The following MAGI2 variants were observed in gnomAD, a reference collection of about 807,000 sequenced individuals.
MAGI2 encodes membrane-associated guanylate kinase, WW and PDZ domain-containing protein 2.
MAGI2 carries 35 observed loss-of-function variants against 133.3 expected under a neutral mutation model. That is an observed-to-expected ratio of 0.26 (90% CI 0.20 to 0.35). The LOEUF (loss-of-function observed/expected upper bound fraction) is 0.35, where lower values mean the gene tolerates loss of function less well. Among genes scored for constraint, MAGI2 ranks in the 10% least tolerant of loss-of-function variants. MAGI2 has a pLI of 1.00. For missense variants in MAGI2, 1,636 were observed against 1,863.4 expected (o/e 0.88, Z 2.25); for synonymous variants, 729 against 710.6 (o/e 1.03, Z -0.41).
At chr7:79,195,569 C>T (rs890055640) in intron 1 of MAGI2, among the ~76,000 whole-genome samples, 7 of 151,930 alleles carry the variant, frequency 4.6e-5, no homozygotes, top group Admixed American at 4.6e-4. Flanking sequence ...ACTCAAACTT[C>T]AATGAAACCA....
intron 6 of MAGI2, among the ~76,000 whole-genome samples, chr7:78,461,804 A>G (rs1584247942): frequency 6.6e-6 from 1 of 151,364 alleles, no homozygotes; most frequent in South Asian, 2.1e-4. Flanking sequence ...CCAGCTACTC[A>G]GGAGGCTGAG....
intron 3 of MAGI2, among the ~76,000 whole-genome samples, chr7:78,600,501 A>G (rs551063739): frequency 2.0e-5 from 3 of 152,160 alleles, no homozygotes; most frequent in African/African-American, 4.8e-5. Context: ...AAATTATCCT[A>G]TGTGTTTGTG....
At chr7:78,283,712 G>A (rs988576174) in intron 9 of MAGI2, among the ~76,000 whole-genome samples, 1 of 152,038 alleles carries the variant, frequency 6.6e-6, no homozygotes, top group Non-Finnish European at 1.5e-5. Flanking sequence ...TCAGGTAACT[G>A]ATAAAGTAAT....
At chr7:79,309,212 G>A (rs543428900) in intron 1 of MAGI2, among the ~76,000 whole-genome samples, 2 of 151,948 alleles carry the variant, frequency 1.3e-5, no homozygotes, top group South Asian at 4.1e-4. Context: ...CAATATGTGT[G>A]ATATAAACTC....
intron 9 of MAGI2, among the ~76,000 whole-genome samples, chr7:78,336,338 C>T (rs190491772): frequency 1.3e-5 from 2 of 152,254 alleles, no homozygotes; most frequent in Admixed American, 6.5e-5. Context: ...ATCTTGTGCC[C>T]TTACTTTCAG....
intron 21 of MAGI2, among the ~76,000 whole-genome samples, chr7:78,030,780 C>T (rs531279658): frequency 2.6e-5 from 4 of 152,060 alleles, no homozygotes; most frequent in East Asian, 1.9e-4. Flanking sequence ...CAATGTTGTC[C>T]GGAATAAATG....
At chr7:78,379,915 A>G (rs1794767855) in intron 6 of MAGI2, among the ~76,000 whole-genome samples, 1 of 152,066 alleles carries the variant, frequency 6.6e-6, no homozygotes, top group South Asian at 2.1e-4. Context: ...TTCATCTAGA[A>G]ATTAAGAATT....
chr7:79,413,234 A>G (rs1846260882), intron 1 of MAGI2: 1 of 152,124 alleles, frequency 6.6e-6, no homozygotes, highest in South Asian at 2.1e-4. Context: ...TGATCTTATG[A>G]GGCCAATAAT....
intron 2 of MAGI2, among the ~76,000 whole-genome samples, chr7:78,661,674 A>G (rs1359160404): frequency 6.6e-6 from 1 of 152,140 alleles, no homozygotes; most frequent in Non-Finnish European, 1.5e-5. Context: ...CTGGCCTCAG[A>G]ACTCTTCCTA....
At chr7:78,481,863 T>C (rs1032895793) in intron 6 of MAGI2, among the ~76,000 whole-genome samples, 1 of 151,936 alleles carries the variant, frequency 6.6e-6, no homozygotes, top group Non-Finnish European at 1.5e-5. Context: ...GAAGAGTTCT[T>C]AGACTTGATA....
chr7:78,186,790 TTTC>T (rs1328297365), intron 12 of MAGI2, among the ~76,000 whole-genome samples: 2 of 152,188 alleles, frequency 1.3e-5, no homozygotes, highest in East Asian at 3.8e-4. Flanking sequence ...AATAAAACAC[TTTC>T]TTATTTCATT....
At chr7:79,140,964 C>T (rs868423477) in intron 1 of MAGI2, among the ~76,000 whole-genome samples, 1 of 152,060 alleles carries the variant, frequency 6.6e-6, no homozygotes. Flanking sequence ...TGTGTAGTGC[C>T]TTAATCAGTT....
At chr7:78,537,416 C>A (rs1798053014) in intron 3 of MAGI2, among the ~76,000 whole-genome samples, 1 of 152,126 alleles carries the variant, frequency 6.6e-6, no homozygotes, top group Admixed American at 6.5e-5. Flanking sequence ...TTTAAGAAAT[C>A]TCCATACTGT....
In MAGI2 at chr7:78,725,104, G is replaced by A. The variant is rs563331892; in HGVS notation, c.419-97865C>T. On this transcript the variant is annotated intron_variant, in intron 2 of 21. Transcript: ENST00000354212. The stretch of plus-strand genomic sequence containing the variant: ...AAACAACGTTGCATTTTTAAGCCCT[G>A]CAGATAAAATGTCTTTTATGAAGAA... Among the ~76,000 whole-genome samples the A allele has an allele frequency of 1.2e-4, 18 of 152,310 alleles. 1 individual carries two copies. In the South Asian group the frequency reaches 3.3e-3, roughly 28 times the overall value.
chr7:79,270,119 G>T (rs982274660), intron 1 of MAGI2, among the ~76,000 whole-genome samples: 1 of 152,060 alleles, frequency 6.6e-6, no homozygotes, highest in African/African-American at 2.4e-5. Flanking sequence ...CCCAGAGAAG[G>T]ACTCAGCATA....
intron 10 of MAGI2, among the ~76,000 whole-genome samples, chr7:78,214,120 T>G (rs577786977): frequency 4.1e-4 from 63 of 152,340 alleles, no homozygotes; most frequent in Middle Eastern, 3.4e-3. Context: ...TTAATGAATG[T>G]TTTCACCTGC....
chr7:78,209,058 T>A (rs2150790600), intron 10 of MAGI2, among the ~76,000 whole-genome samples: 1 of 143,462 alleles, frequency 7.0e-6, no homozygotes, highest in African/African-American at 2.5e-5. Flanking sequence ...CTGTCTCTAC[T>A]AAAAATACAA....
chr7:78,070,616 A>ATGTG (rs1274874701), intron 21 of MAGI2, among the ~76,000 whole-genome samples: 1 of 128,190 alleles, frequency 7.8e-6, no homozygotes, highest in African/African-American at 2.8e-5. Context: ...GTATATATAT[A>ATGTG]TGTGTGTGTG....
chr7:78,557,108 A>T (rs899341906), intron 3 of MAGI2, among the ~76,000 whole-genome samples: 12 of 149,560 alleles, frequency 8.0e-5, no homozygotes, highest in Non-Finnish European at 1.6e-4. Flanking sequence ...AAAGAAAAAG[A>T]AAAAAAAAGA....
Sources: gnomAD v4.1 joint callset for allele counts (sites outside exome capture counted in the v4.1 genomes callset) on GRCh38, gnomAD v4.1.1 for gene constraint, MANE v1.5 for transcripts, NCBI Gene and HGNC (gene_info 2026-07-23, HGNC 2026-07-21) for gene names.